LEKR1: variants seen among roughly 807,000 people sequenced by gnomAD.
The protein encoded by LEKR1 is leucine, glutamate and lysine rich 1, also known as protein LEKR1.
A neutral mutation model predicts 72.4 loss-of-function variants in LEKR1; 59 were observed. The ratio of observed to expected loss-of-function variants is 0.82; its 90% confidence interval spans 0.66 to 1.01. LEKR1 has a LOEUF of 1.01. Among genes scored for constraint, LEKR1 ranks in the 50% least tolerant of loss-of-function variants. The pLI is 0.00. For synonymous variants in LEKR1, 257 were observed against 263.2 expected, an observed-to-expected ratio of 0.98 and a Z score of 0.23; for missense variants, 728 against 759.2, an observed-to-expected ratio of 0.96 and a Z score of 0.48.
At chr3:156,846,198 AC>A (rs1714575453) in intron 2 of LEKR1, among the ~76,000 whole-genome samples, 1 of 152,094 alleles carries the variant, frequency 6.6e-6, no homozygotes, top group Admixed American at 6.6e-5. Flanking sequence ...TGCTGAACTT[AC>A]TAGTTCTAGT....
At chr3:157,018,681 C>T (rs1733577769) in intron 10 of LEKR1, among the ~76,000 whole-genome samples, 1 of 152,172 alleles carries the variant, frequency 6.6e-6, no homozygotes, top group Admixed American at 6.5e-5. Context: ...TGAGTATACA[C>T]ATTGTTTCCA....
At chr3:156,903,695 CA>C (rs1722251794) in intron 3 of LEKR1, among the ~76,000 whole-genome samples, 1 of 152,180 alleles carries the variant, frequency 6.6e-6, no homozygotes, top group South Asian at 2.1e-4. Context: ...TCTAGAGGGT[CA>C]ACTTTATTCT....
At chr3:157,033,096 C>T (rs1354218034) in intron 12 of LEKR1, among the ~76,000 whole-genome samples, 1 of 152,182 alleles carries the variant, frequency 6.6e-6, no homozygotes, top group Non-Finnish European at 1.5e-5. Flanking sequence ...AATCCACTGA[C>T]TGGCCAGTCC....
intron 7 of LEKR1, among the ~76,000 whole-genome samples, chr3:156,982,148 A>AT (rs1730255728): frequency 6.6e-6 from 1 of 152,122 alleles, no homozygotes; most frequent in African/African-American, 2.4e-5. Context: ...AAAAATAGAG[A>AT]TTTTATCAGA....
chr3:156,929,342 G>A (rs531799507), intron 5 of LEKR1, among the ~76,000 whole-genome samples: 8 of 152,082 alleles, frequency 5.3e-5, no homozygotes, highest in Non-Finnish European at 1.2e-4. Flanking sequence ...TTTGAGAATA[G>A]TTTTGTTTTT....
rs1262848184 is a variant in LEKR1, at chr3:156,982,853, GTGTAGATAGATAGATAGA to G, written c.827+3580_827+3597del. On this transcript the variant is annotated intron_variant, in intron 7 of 12. Coordinates refer to ENST00000356539, the MANE Select transcript of LEKR1 (RefSeq NM_001004316.3). ...TATATATGAATATGTGTGTGTGTGT[GTGTAGATAGATAGATAGA>G]TAGATAGATAGATAGATAGATAGAT... is the stretch of plus-strand genomic sequence containing the variant. 3.0e-3 allele frequency among the ~76,000 whole-genome samples: 411 copies of G among 137,718 alleles called. 1 individual carries two copies. The highest frequency in any genetic ancestry group is 0.01 in the African/African-American group (390 of 37,322). The allele number at this position is 137,718 out of a possible 152,430, so 90.3% of individuals were successfully genotyped here. A position where few individuals can be genotyped will look rare whatever the true frequency, so the allele number is the denominator to read the frequency against.
chr3:156,863,856 T>C (rs1717029456), intron 3 of LEKR1, among the ~76,000 whole-genome samples: 1 of 151,980 alleles, frequency 6.6e-6, no homozygotes, highest in Non-Finnish European at 1.5e-5. Flanking sequence ...ACACCAAATC[T>C]TGAGCCTTGT....
intron 6 of LEKR1, among the ~76,000 whole-genome samples, chr3:156,956,672 A>G (rs1439721649): frequency 6.6e-6 from 1 of 152,092 alleles, no homozygotes; most frequent in African/African-American, 2.4e-5. Context: ...AATTGCAAAG[A>G]GTAACACTGA....
chr3:156,945,051 C>T (rs115512818), intron 6 of LEKR1, among the ~76,000 whole-genome samples: 285 of 151,772 alleles, frequency 1.9e-3, no homozygotes, highest in African/African-American at 6.4e-3. Flanking sequence ...TTCAAGGGTT[C>T]GCTTTTCTCT....
At position 156,893,517 on chromosome 3, in the gene LEKR1, G is replaced by A. The variant is rs1457470085; in HGVS notation, c.264-27058G>A. ...CCTGGTGGGAGATATTTAGGTCATG[G>A]GGGTAGATCCCTCATGACTGAGTTG... On this transcript the variant is annotated intron_variant, in intron 3 of 12. Coordinates refer to ENST00000356539, the MANE Select transcript of LEKR1 (RefSeq NM_001004316.3). 2.0e-5 allele frequency among the ~76,000 whole-genome samples: 3 copies of A among 152,226 alleles called. No individual in the cohort carries two copies. The East Asian group carries it at 5.8e-4, about 29-fold the overall frequency.
intron 3 of LEKR1, among the ~76,000 whole-genome samples, chr3:156,917,130 G>A (rs1490901092): frequency 6.6e-6 from 1 of 152,062 alleles, no homozygotes; most frequent in South Asian, 2.1e-4. Flanking sequence ...GAATAAGAAA[G>A]AAATTTTGGT....
At position 157,045,631 on chromosome 3, in the gene LEKR1, G is replaced by T; in HGVS notation, c.1960G>T (p.Val654Phe). 6.2e-7 allele frequency: 1 copy of T among 1,614,116 alleles called. No homozygotes were observed. Among genetic ancestry groups the T allele is most frequent in the Non-Finnish European group, 8.5e-7 (1 of 1,180,012 alleles). Residue 654 changes from valine (V) to phenylalanine (F), a missense_variant, in exon 13 of 13, where the codon GTT becomes TTT. Physicochemically the swap from Val to Phe is conservative, Grantham distance 50. Coordinates refer to ENST00000356539, the MANE Select transcript of LEKR1 (RefSeq NM_001004316.3). ...CCCAACCTCAGATAAGCCGAAGAGG[G>T]TTAGATCAGGCGTGCCCATTCTCCC... is the stretch of plus-strand genomic sequence containing the variant. ...TFPTSDKPKRVRSGVPILPQP... is the reference protein window; with the variant it reads ...TFPTSDKPKRFRSGVPILPQP...
intron 4 of LEKR1, among the ~76,000 whole-genome samples, chr3:156,926,569 T>C (rs955408853): frequency 6.6e-6 from 1 of 152,004 alleles, no homozygotes; most frequent in African/African-American, 2.4e-5. Context: ...CTTTGAGGGA[T>C]TCTTTTTAGT....
intron 9 of LEKR1, among the ~76,000 whole-genome samples, chr3:157,002,684 A>G (rs1413441813): frequency 6.6e-6 from 1 of 152,190 alleles, no homozygotes; most frequent in Admixed American, 6.5e-5. Flanking sequence ...CATAATATCA[A>G]GCAAAATTAC....
At chr3:156,902,322 A>C (rs1393020504) in intron 3 of LEKR1, among the ~76,000 whole-genome samples, 1 of 152,160 alleles carries the variant, frequency 6.6e-6, no homozygotes, top group East Asian at 1.9e-4. Context: ...AATTTTTAGG[A>C]ATCAGTCTCT....
intron 6 of LEKR1, among the ~76,000 whole-genome samples, chr3:156,951,301 C>G (rs1198508719): frequency 1.3e-5 from 2 of 151,570 alleles, no homozygotes; most frequent in East Asian, 3.9e-4. Flanking sequence ...TGATGTTCAT[C>G]ATGGATATTG....
intron 6 of LEKR1, among the ~76,000 whole-genome samples, chr3:156,966,887 C>T (rs1304631895): frequency 6.6e-6 from 1 of 152,200 alleles, no homozygotes; most frequent in Non-Finnish European, 1.5e-5. Flanking sequence ...CCAGTAGGGG[C>T]AGACTGACAC....
intron 12 of LEKR1, among the ~76,000 whole-genome samples, chr3:157,032,779 A>G (rs1184542266): frequency 6.6e-6 from 1 of 151,562 alleles, no homozygotes; most frequent in Non-Finnish European, 1.5e-5. Flanking sequence ...GTTTTATTGC[A>G]TGTCACTTTA....
intron 3 of LEKR1, among the ~76,000 whole-genome samples, chr3:156,857,923 A>C (rs943945759): frequency 3.6e-4 from 55 of 152,376 alleles, no homozygotes; most frequent in African/African-American, 1.3e-3. Context: ...TGCACCAGAC[A>C]TCTTAAATAG....
Sources: gnomAD v4.1 joint callset for allele counts (sites outside exome capture counted in the v4.1 genomes callset) on GRCh38, gnomAD v4.1.1 for gene constraint, MANE v1.5 for transcripts, NCBI Gene and HGNC (gene_info 2026-07-23, HGNC 2026-07-21) for gene names.